Variants in GOLGA1 observed in about 807,000 individuals in gnomAD.
The protein encoded by GOLGA1 is golgin A1, also known as golgin subfamily A member 1.
In GOLGA1, 63 loss-of-function variants were observed where a neutral mutation model predicts 119.7. The ratio of observed to expected loss-of-function variants is 0.53; its 90% CI spans 0.43 to 0.65. The LOEUF (loss-of-function observed/expected upper bound fraction) is 0.65, where lower values mean the gene tolerates loss of function less well. Among genes scored for constraint, GOLGA1 ranks in the 30% least tolerant of loss-of-function variants. GOLGA1 has a pLI of 0.00. For missense variants in GOLGA1, 798 were observed against 912.8 expected (o/e 0.87, Z 1.62); for synonymous variants, 318 against 333.4 (o/e 0.95, Z 0.50).
At chr9:124,931,431 T>A in intron 3 of GOLGA1, 25 bp from the exon 4 acceptor site, 1 of 1,158,946 alleles carries the variant, frequency 8.6e-7, no homozygotes, top group Non-Finnish European at 1.3e-6. Context: ...ACAAGGAAGG[T>A]CGTATTCATA....
At chr9:124,902,175 G>C (rs1830121075) in intron 12 of GOLGA1, among the ~76,000 whole-genome samples, 1 of 152,018 alleles carries the variant, frequency 6.6e-6, no homozygotes. Flanking sequence ...GCAGTGGCAT[G>C]ATCTCGGCTC....
Position 124,927,540 on chromosome 9 carries a change from ACT to A in GOLGA1, c.399+646_399+647del, listed in dbSNP as rs58904265. Among the ~76,000 whole-genome samples the A allele has an allele frequency of 7.3e-3, 1,114 of 152,268 alleles. 30 individuals carry two copies. In the East Asian group the frequency reaches 0.076, roughly 10 times the overall value. On this transcript the variant is annotated intron_variant, in intron 6 of 22. Transcript: ENST00000373555. Reference sequence around the variant, plus strand: ...CAATTTCTTAAGTGAAACATAATAAACTCTGTCTTAATAAATCAAAATTAACA... The same window carrying A: ...CAATTTCTTAAGTGAAACATAATAAACTGTCTTAATAAATCAAAATTAACA...
intron 14 of GOLGA1, 103 bp downstream of exon 14, chr9:124,899,226 T>G: frequency 9.2e-7 from 1 of 1,086,368 alleles, no homozygotes; most frequent in Non-Finnish European, 1.3e-6. Flanking sequence ...TCTAAAGTGG[T>G]TTCCTAGTGC....
chr9:124,888,438 G>A lies in GOLGA1; in HGVS notation c.1762-42C>T. 3.7e-6 allele frequency: 6 copies of A among 1,602,148 alleles called. No homozygotes were observed. The highest frequency in any genetic ancestry group is 5.1e-6 in the Non-Finnish European group (6 of 1,169,938). Reference sequence around the variant, plus strand: ...GCAAATTGAGAGCCAGGACAGGTCAGGTGAAGCTGAGCCACAGGTACACAG... The same window carrying A: ...GCAAATTGAGAGCCAGGACAGGTCAAGTGAAGCTGAGCCACAGGTACACAG... On this transcript the variant is annotated intron_variant, in intron 18 of 22. Coordinates refer to ENST00000373555, the MANE Select transcript of GOLGA1 (RefSeq NM_002077.4). The surrounding 1 kb of genome is among the most constrained non-coding windows in gnomAD (Gnocchi z 4.4).
At chr9:124,904,158 T>C (rs927806085) in intron 12 of GOLGA1, among the ~76,000 whole-genome samples, 4 of 148,222 alleles carry the variant, frequency 2.7e-5, no homozygotes, top group African/African-American at 9.9e-5. Context: ...AAGATGTATA[T>C]ACTAAGTCAA....
intron 22 of GOLGA1, among the ~76,000 whole-genome samples, chr9:124,880,869 T>G (rs1174565042): frequency 2.6e-5 from 4 of 152,218 alleles, no homozygotes; most frequent in Admixed American, 6.5e-5. Flanking sequence ...TTAGAGCATT[T>G]ATGCAGACGC....
rs1388810878 is a variant in GOLGA1 at position 124,878,463 on chromosome 9, TGGAA to T, written c.*2063_*2066del. ...AAGAATACAATCCCTATTTACAACA[TGGAA>T]GGAGAGCTCAAGATCCATCGCTCGT... On this transcript the variant is annotated 3_prime_UTR_variant, in exon 23 of 23. Coordinates refer to ENST00000373555, the MANE Select transcript of GOLGA1 (RefSeq NM_002077.4). 6.6e-6 allele frequency: 1 copy of T among 152,592 alleles called. No individual in the cohort carries two copies. Among genetic ancestry groups the T allele is most frequent in the Non-Finnish European group, 1.5e-5 (1 of 68,036 alleles). The allele number at this position is 152,592 out of a possible 1,614,324, so 9.5% of individuals were successfully genotyped here. A position where few individuals can be genotyped will look rare whatever the true frequency, so the allele number is the denominator to read the frequency against.
chr9:124,937,401 C>T (rs1203067778), intron 3 of GOLGA1, among the ~76,000 whole-genome samples: 1 of 151,432 alleles, frequency 6.6e-6, no homozygotes, highest in Non-Finnish European at 1.5e-5. Flanking sequence ...TGCAGTGAGC[C>T]GAGATTGTGC....
At chr9:124,908,555 CTT>C in intron 11 of GOLGA1, 83 bp from the exon 12 acceptor site, 1 of 815,370 alleles carries the variant, frequency 1.2e-6, no homozygotes, top group Admixed American at 1.8e-5. Flanking sequence ...CATATTGTGA[CTT>C]GTGCTAGGCA....
intron 19 of GOLGA1, among the ~76,000 whole-genome samples, chr9:124,886,259 C>A (rs555464290): frequency 1.5e-3 from 232 of 152,206 alleles, no homozygotes; most frequent in African/African-American, 5.2e-3. Flanking sequence ...CAGAGGAGGG[C>A]GCACAGTGCA....
chr9:124,918,462 G>T (rs1387771234), intron 10 of GOLGA1, among the ~76,000 whole-genome samples: 2 of 152,142 alleles, frequency 1.3e-5, no homozygotes, highest in Non-Finnish European at 2.9e-5. Flanking sequence ...GGTTCTAATT[G>T]ACATCAAAGG....
At chr9:124,909,443 T>C (rs1051600241) in intron 11 of GOLGA1, among the ~76,000 whole-genome samples, 2 of 149,592 alleles carry the variant, frequency 1.3e-5, no homozygotes, top group African/African-American at 2.5e-5. Flanking sequence ...CTGTCTCTAC[T>C]AAAAATACAA....
intron 12 of GOLGA1, among the ~76,000 whole-genome samples, chr9:124,905,601 AG>A (rs781743255): frequency 1.2e-4 from 18 of 152,170 alleles, no homozygotes; most frequent in Non-Finnish European, 2.4e-4. Context: ...CTCAGTCTGG[AG>A]GTCTTTAATG....
chr9:124,884,794 G>A (rs1425189599), intron 19 of GOLGA1, among the ~76,000 whole-genome samples: 3 of 152,154 alleles, frequency 2.0e-5, no homozygotes, highest in African/African-American at 4.8e-5. Flanking sequence ...TTGGTTTCCT[G>A]GATTTTCCTC....
rs145712420 is a variant in GOLGA1 at position 124,946,772 on chromosome 9, C to T, written c.-156+1146G>A. 185 of 152,212 alleles carry T rather than the reference C, an allele frequency of 1.2e-3. 1 individual carries two copies. Among genetic ancestry groups the T allele is most frequent in the African/African-American group, 4.3e-3 (177 of 41,524 alleles). 9.4% of individuals were successfully genotyped at this position (152,212 alleles called of 1,614,324 possible). On this transcript the variant is annotated intron_variant, in intron 1 of 4. Transcript: ENST00000421514. This position sits in a 1 kb window ranked among gnomAD's most constrained non-coding sequence, Gnocchi z 4.0. Reference sequence around the variant, plus strand: ...AATATTAAAAACTCTACTTCATGTGCGAATATATCATCAACTTGCAGAACA... The same window carrying T: ...AATATTAAAAACTCTACTTCATGTGTGAATATATCATCAACTTGCAGAACA...
intron 11 of GOLGA1, among the ~76,000 whole-genome samples, 176 bp downstream of exon 11, chr9:124,911,725 C>T (rs144068230): frequency 6.6e-6 from 1 of 152,302 alleles, no homozygotes; most frequent in East Asian, 1.9e-4. Flanking sequence ...AGCATGTCAC[C>T]CACAGGGGAC....
rs1831141651 is a variant in GOLGA1, at chr9:124,946,106, C to T, written c.-156+1812G>A. The T allele has an allele frequency of 6.6e-6, 1 of 152,168 alleles. No homozygotes were observed. The highest frequency in any genetic ancestry group is 2.4e-5 in the African/African-American group (1 of 41,454). 9.4% of individuals were successfully genotyped at this position (152,168 alleles called of 1,614,324 possible). On this transcript the variant is annotated intron_variant, in intron 1 of 4. Transcript: ENST00000421514. This position sits in a 1 kb window ranked among gnomAD's most constrained non-coding sequence, Gnocchi z 4.0. ...ACCACTACTGTCCTCAAATTAATAT[C>T]CACAAGGAGCCTGAGTCAGTTCCAT...
intron 3 of GOLGA1, among the ~76,000 whole-genome samples, chr9:124,937,860 A>G (rs1261496348): frequency 6.6e-6 from 1 of 152,106 alleles, no homozygotes; most frequent in Non-Finnish European, 1.5e-5. Flanking sequence ...AGGTGGGCGG[A>G]TCGCCTGAGC....
At chr9:124,947,132 A>G (rs1831157369) in intron 1 of GOLGA1, 1 of 152,202 alleles carries the variant, frequency 6.6e-6, no homozygotes. Flanking sequence ...AACTGGGAAT[A>G]TATTTCCCCT....
Sources: allele counts gnomAD v4.1 joint callset (sites outside exome capture counted in the v4.1 genomes callset), GRCh38; gene constraint gnomAD v4.1.1; non-coding constraint Gnocchi (gnomAD v3.1); transcripts MANE v1.5; gene names NCBI Gene and HGNC (gene_info 2026-07-23, HGNC 2026-07-21).